Variants in CLSTN2 observed in about 807,000 individuals in gnomAD.
CLSTN2 encodes calsyntenin 2.
Under a neutral mutation model 101.2 loss-of-function variants are expected in CLSTN2, and 48 were observed. The observed-to-expected ratio is 0.47, with a 90% CI of 0.38 to 0.60. CLSTN2 has a LOEUF of 0.60. Among genes scored for constraint, CLSTN2 ranks in the 20% least tolerant of loss-of-function variants. CLSTN2 has a pLI of 0.00. For synonymous variants in CLSTN2, 481 were observed against 463.6 expected (o/e 1.04, Z -0.48); for missense variants, 1,160 against 1,238.2 (o/e 0.94, Z 0.95).
Position 140,566,643 on chromosome 3 carries a change from T to G in CLSTN2, c.*390T>G. ...CCCTGGGGTTCCAACTCACTGTGCG[T>G]CTCCTCCACACAGACCAGTAGGTTC... On this transcript the variant is annotated 3_prime_UTR_variant, in exon 17 of 17. Transcript: ENST00000458420. 2 of 272,352 alleles carry G rather than the reference T, an allele frequency of 7.3e-6. No homozygotes were observed. Among genetic ancestry groups the G allele is most frequent in the Non-Finnish European group, 1.4e-5 (2 of 138,170 alleles). 16.9% of individuals were successfully genotyped at this position (272,352 alleles called of 1,614,324 possible).
intron 2 of CLSTN2, among the ~76,000 whole-genome samples, chr3:140,220,342 TG>T (rs1459190110): frequency 6.6e-6 from 1 of 152,210 alleles, no homozygotes; most frequent in Non-Finnish European, 1.5e-5. Context: ...GTAATGCTGG[TG>T]GGGGCAGAGA....
intron 1 of CLSTN2, among the ~76,000 whole-genome samples, chr3:140,067,921 C>G (rs2107775594): frequency 6.6e-6 from 1 of 152,284 alleles, no homozygotes; most frequent in Admixed American, 6.5e-5. Flanking sequence ...GAAAATGCTG[C>G]CTCTTGTCAG....
At chr3:139,974,403 A>T (rs1371346743) in intron 1 of CLSTN2, among the ~76,000 whole-genome samples, 3 of 152,130 alleles carry the variant, frequency 2.0e-5, no homozygotes, top group Non-Finnish European at 4.4e-5. Context: ...GTGGTCCAAG[A>T]TATGCTGTCA....
At chr3:140,243,445 T>C (rs1359759836) in intron 2 of CLSTN2, among the ~76,000 whole-genome samples, 1 of 152,226 alleles carries the variant, frequency 6.6e-6, no homozygotes, top group Non-Finnish European at 1.5e-5. Flanking sequence ...GTCTTTTGCC[T>C]GTGGTTTAGT....
At chr3:140,124,572 C>T (rs982466232) in intron 1 of CLSTN2, among the ~76,000 whole-genome samples, 1 of 152,022 alleles carries the variant, frequency 6.6e-6, no homozygotes, top group African/African-American at 2.4e-5. Context: ...AAGATAAGTC[C>T]CCTGTATTTG....
chr3:140,409,131 C>T (rs966874189), intron 4 of CLSTN2, among the ~76,000 whole-genome samples: 1 of 152,246 alleles, frequency 6.6e-6, no homozygotes, highest in African/African-American at 2.4e-5. Context: ...CTGGTCCTTA[C>T]AATTGCACAT....
chr3:140,071,037 C>A (rs1332101275), intron 1 of CLSTN2, among the ~76,000 whole-genome samples: 1 of 151,984 alleles, frequency 6.6e-6, no homozygotes, highest in Non-Finnish European at 1.5e-5. Context: ...CTAGCCTTAT[C>A]GAATTTCAAA....
At chr3:140,558,971 A>G (rs1244922464) in intron 12 of CLSTN2, 114 bp downstream of exon 12, 3 of 766,308 alleles carry the variant, frequency 3.9e-6, no homozygotes, top group East Asian at 5.4e-5. Flanking sequence ...GCTTAAATGT[A>G]TACATGGCAG....
chr3:140,132,484 A>G (rs1026794379), intron 1 of CLSTN2, among the ~76,000 whole-genome samples: 2 of 152,170 alleles, frequency 1.3e-5, no homozygotes, highest in Admixed American at 6.5e-5. Context: ...GAGAAAGTAC[A>G]TGGACCACGG....
At chr3:140,251,612 C>CCTTTCCTTTG (rs2086564578) in intron 2 of CLSTN2, among the ~76,000 whole-genome samples, 2 of 150,764 alleles carry the variant, frequency 1.3e-5, no homozygotes, top group Non-Finnish European at 3.0e-5. Flanking sequence ...CCTTTCCTTT[C>CCTTTCCTTTG]CTTTCCTTTC....
At chr3:140,565,347 G>A (rs1008964630) in intron 16 of CLSTN2, among the ~76,000 whole-genome samples, 1 of 152,140 alleles carries the variant, frequency 6.6e-6, no homozygotes, top group Non-Finnish European at 1.5e-5. Flanking sequence ...GTAAGGGGAG[G>A]GGTTGGGTAG....
rs149661201 is a variant in CLSTN2 at position 140,214,474 on chromosome 3, C to G, written c.232+38401C>G. On this transcript the variant is annotated intron_variant, in intron 2 of 16. Coordinates refer to ENST00000458420, the MANE Select transcript of CLSTN2 (RefSeq NM_022131.3). Reference sequence around the variant, plus strand: ...GTCTTAAAAAAAAAGAATAGGTCCACTTTGAAGGGGTTTTTAAAGTACCTA... The same window carrying G: ...GTCTTAAAAAAAAAGAATAGGTCCAGTTTGAAGGGGTTTTTAAAGTACCTA... Among the ~76,000 whole-genome samples the G allele has an allele frequency of 4.6e-5, 7 of 152,072 alleles. No individual in the cohort carries two copies. In the East Asian group the frequency reaches 9.7e-4, roughly 21 times the overall value.
intron 2 of CLSTN2, among the ~76,000 whole-genome samples, chr3:140,334,153 G>T (rs1412819695): frequency 6.6e-6 from 1 of 152,178 alleles, no homozygotes. Flanking sequence ...TTCTGGAGGG[G>T]TGTCACAAAT....
chr3:140,575,800 ATGTG>A lies in CLSTN2; in HGVS notation c.*9557_*9560del, dbSNP rs1292510864. ...AGGCTATGGACAGCTGATTATATAT[ATGTG>A]TGTGTGTGTATATGTGTGCATATAT... On this transcript the variant is annotated 3_prime_UTR_variant, in exon 17 of 17. Coordinates refer to ENST00000458420, the MANE Select transcript of CLSTN2 (RefSeq NM_022131.3). 2 of 152,004 alleles carry A rather than the reference ATGTG, an allele frequency of 1.3e-5. No homozygotes were observed. The highest frequency in any genetic ancestry group is 2.4e-5 in the African/African-American group (1 of 41,382). The allele number at this position is 152,004 out of a possible 1,614,324, so 9.4% of individuals were successfully genotyped here. A position where few individuals can be genotyped will look rare whatever the true frequency, so the allele number is the denominator to read the frequency against.
chr3:140,139,888 A>T (rs1201201687), intron 1 of CLSTN2, among the ~76,000 whole-genome samples: 1 of 152,186 alleles, frequency 6.6e-6, no homozygotes. Flanking sequence ...TGGACACTGG[A>T]CACTTCTTCA....
At chr3:140,143,905 G>A (rs1041091173) in intron 1 of CLSTN2, among the ~76,000 whole-genome samples, 6 of 152,196 alleles carry the variant, frequency 3.9e-5, no homozygotes, top group African/African-American at 9.7e-5. Context: ...GTCAGCTTCC[G>A]CTCTGTAGAT....
At chr3:140,049,705 C>T (rs769792466) in intron 1 of CLSTN2, among the ~76,000 whole-genome samples, 1 of 152,216 alleles carries the variant, frequency 6.6e-6, no homozygotes, top group Non-Finnish European at 1.5e-5. Flanking sequence ...TGAACATGAA[C>T]TTAACAGGGT....
At chr3:140,290,172 C>G (rs1005967755) in intron 2 of CLSTN2, among the ~76,000 whole-genome samples, 2 of 151,896 alleles carry the variant, frequency 1.3e-5, no homozygotes, top group South Asian at 2.1e-4. Flanking sequence ...CTCAGAACAC[C>G]CATTTCGATG....
rs546407592 is a variant in CLSTN2, at chr3:140,161,607, C to T, written c.110-14344C>T. ...AATCTTGTCACTGCATTGATCAACC[C>T]TCCCTAACTGAGTTAAATCTAAGAA... On this transcript the variant is annotated intron_variant, in intron 1 of 16. Transcript: ENST00000458420. Among the ~76,000 whole-genome samples, 7 of 152,230 alleles carry T rather than the reference C, an allele frequency of 4.6e-5. No homozygotes were observed. In the East Asian group the frequency reaches 1.2e-3, roughly 25 times the overall value.
Sources: gnomAD v4.1 joint callset for allele counts (sites outside exome capture counted in the v4.1 genomes callset) on GRCh38, gnomAD v4.1.1 for gene constraint, MANE v1.5 for transcripts, NCBI Gene and HGNC (gene_info 2026-07-23, HGNC 2026-07-21) for gene names.